LRP1: variants seen among roughly 807,000 people sequenced by gnomAD.
LRP1 encodes the protein prolow-density lipoprotein receptor-related protein 1.
LRP1 carries 51 observed loss-of-function variants against 541.5 expected under a neutral mutation model. The ratio of observed to expected loss-of-function variants is 0.09; its 90% CI spans 0.08 to 0.12. The LOEUF (loss-of-function observed/expected upper bound fraction) is 0.12. LRP1 is among the 10% of genes least tolerant of loss of function. The pLI is 1.00. For synonymous variants in LRP1, 2,219 were observed against 2,470.8 expected (o/e 0.90, Z 3.02); for missense variants, 3,878 against 6,376.2 (o/e 0.61, Z 13.34).
At chr12:57,182,989 C>T (rs2036196210) in intron 34 of LRP1, among the ~76,000 whole-genome samples, 1 of 152,172 alleles carries the variant, frequency 6.6e-6, no homozygotes, top group Non-Finnish European at 1.5e-5. Flanking sequence ...TCAGGCTGAG[C>T]ACCAAACTGG....
chr12:57,202,686 C>A, intron 68 of LRP1, 149 bp downstream of exon 68: 1 of 634,036 alleles, frequency 1.6e-6, no homozygotes, highest in African/African-American at 1.8e-5. Flanking sequence ...CACTCCATGT[C>A]GTGTATTTGA....
chr12:57,156,381 C>A lies in LRP1; in HGVS notation c.1417+98C>A. 2 of 1,258,200 alleles carry A rather than the reference C, an allele frequency of 1.6e-6. No individual in the cohort carries two copies. The highest frequency in any genetic ancestry group is 2.2e-6 in the Non-Finnish European group (2 of 919,602). The allele number at this position is 1,258,200 out of a possible 1,614,324, so 77.9% of individuals were successfully genotyped here. ...CCCTCTCTGGGCCCTCCTGTGGGGA[C>A]CCTGGCTTCTTTCATGTCATGACCG... is the stretch of plus-strand genomic sequence containing the variant. On this transcript the variant is annotated intron_variant, in intron 9 of 88. Transcript: ENST00000243077. The surrounding 1 kb of genome is among the most constrained non-coding windows in gnomAD (Gnocchi z 5.2).
chr12:57,169,264 C>T lies in LRP1; in HGVS notation c.3120C>T (p.Cys1040=), dbSNP rs764155052. ...EHWTCDGDND[C]GDYSDETHAN... is the part of the protein sequence containing the mutation. ...GGACCTGCGATGGGGACAATGACTG[C>T]GGAGACTACAGTGATGAGACACACG... Residue 1040 remains cysteine, a synonymous_variant, in exon 20 of 89, where the codon TGC becomes TGT. Coordinates refer to ENST00000243077, the MANE Select transcript of LRP1 (RefSeq NM_002332.3). The T allele has an allele frequency of 8.0e-5, 129 of 1,613,518 alleles. No individual in the cohort carries two copies. The highest frequency in any genetic ancestry group is 1.2e-4 in the African/African-American group (9 of 74,922).
chr12:57,149,728 A>G (rs777419533), intron 6 of LRP1: 1 of 732,232 alleles, frequency 1.4e-6, no homozygotes, highest in East Asian at 2.5e-5. Context: ...CAACACGGCT[A>G]AGCTCCAGAC....
In LRP1 at chr12:57,206,624, C is replaced by T. The variant is rs368293645; in HGVS notation, c.11742C>T (p.Val3914=). The T allele has an allele frequency of 1.5e-5, 25 of 1,614,048 alleles. No homozygotes were observed. Among genetic ancestry groups the T allele is most frequent in the Non-Finnish European group, 1.9e-5 (23 of 1,180,054 alleles). ...ATGTCCATGTCAAGGCTGGCCGTGT[C>T]TATTGGACCAACTGGCACACGGGCA... ...AMDVHVKAGR[V]YWTNWHTGTI... Residue 3914 remains valine, a synonymous_variant, in exon 76 of 89, where the codon GTC becomes GTT. Transcript: ENST00000243077. This position sits in a 1 kb window ranked among gnomAD's most constrained non-coding sequence, Gnocchi z 4.7.
rs1191532279 is a variant in LRP1 at position 57,206,055 on chromosome 12, C to T, written c.11590+378C>T. On this transcript the variant is annotated intron_variant, in intron 75 of 88. Transcript: ENST00000243077. This position sits in a 1 kb window ranked among gnomAD's most constrained non-coding sequence, Gnocchi z 4.7. ...GCCTGTACACAGACATTCACACACA[C>T]CCCTGGCACACACACCCCCACCATG... is the stretch of plus-strand genomic sequence containing the variant. Among the ~76,000 whole-genome samples, 2 of 152,224 alleles carry T rather than the reference C, an allele frequency of 1.3e-5. No individual in the cohort carries two copies. The highest frequency in any genetic ancestry group is 2.9e-5 in the Non-Finnish European group (2 of 68,030).
chr12:57,144,901 G>A (rs1013167322), intron 4 of LRP1, 71 bp from the exon 5 acceptor site: 16 of 1,446,062 alleles, frequency 1.1e-5, no homozygotes, highest in African/African-American at 1.4e-5. Flanking sequence ...TGTTGATCAT[G>A]TCTGATGATC....
rs34010163 is a variant in LRP1 at position 57,177,947 on chromosome 12, CTTTTTTT to C, written c.4361+369_4361+375del. On this transcript the variant is annotated intron_variant, in intron 26 of 88. Transcript: ENST00000243077. The surrounding 1 kb of genome is among the most constrained non-coding windows in gnomAD (Gnocchi z 6.8). Reference sequence around the variant, plus strand: ...CCCAGGGAGGGTGCCTTTTTCTTTTCTTTTTTTTTTTTTTTTTTTGAGACAGAGTCTC... The same window carrying C: ...CCCAGGGAGGGTGCCTTTTTCTTTTCTTTTTTTTTTTTGAGACAGAGTCTC... Among the ~76,000 whole-genome samples the C allele has an allele frequency of 8.2e-6, 1 of 121,372 alleles. No individual in the cohort carries two copies. Among genetic ancestry groups the C allele is most frequent in the Non-Finnish European group, 1.7e-5 (1 of 59,804 alleles). The allele number at this position is 121,372 out of a possible 152,430, so 79.6% of individuals were successfully genotyped here.
chr12:57,201,556 C>T lies in LRP1; in HGVS notation c.10405C>T (p.Arg3469Trp). ...CTCCATTACCAAACGGTGCATCCCC[C>T]GGGTCTGGGTCTGCGACCGGGACAA... is the stretch of plus-strand genomic sequence containing the variant. ...QCSITKRCIP[R>W]VWVCDRDNDC... is the part of the protein sequence containing the mutation. Residue 3469 changes from arginine (R) to tryptophan (W), a missense_variant, in exon 66 of 89, where the codon CGG (arginine) becomes TGG (tryptophan). Around this residue, in one of 13 missense-constraint regions of LRP1, gnomAD observed 278 missense variants for 536.3 expected, o/e 0.52. Transcript: ENST00000243077. This position sits in a 1 kb window ranked among gnomAD's most constrained non-coding sequence, Gnocchi z 6.4. 2 of 1,614,094 alleles carry T rather than the reference C, an allele frequency of 1.2e-6. No individual in the cohort carries two copies. The highest frequency in any genetic ancestry group is 1.7e-6 in the Non-Finnish European group (2 of 1,180,004).
chr12:57,174,042 C>G, intron 22 of LRP1, 62 bp downstream of exon 22: 1 of 1,535,526 alleles, frequency 6.5e-7, no homozygotes. Flanking sequence ...GGGCCAAGGA[C>G]AGTCTTTGGG....
intron 34 of LRP1, among the ~76,000 whole-genome samples, chr12:57,182,592 G>A (rs1304312446): frequency 1.3e-5 from 2 of 151,726 alleles, no homozygotes; most frequent in East Asian, 1.9e-4. Context: ...TAAAGAGGGC[G>A]GATTACCTTG....
rs773264720 is a variant in LRP1 at position 57,205,163 on chromosome 12, G to A, written c.11249G>A (p.Arg3750Gln). The A allele has an allele frequency of 2.8e-5, 45 of 1,613,830 alleles. No homozygotes were observed. The highest frequency in any genetic ancestry group is 3.5e-5 in the Non-Finnish European group (41 of 1,180,000). ...AAAGACAAGAAGGAGTTTCTGTGCC[G>A]GAACCAGCGCTGCCTCTCCTCCTCC... ...HCKDKKEFLC[R>Q]NQRCLSSSLR... The change falls in exon 73 of 89, where the codon CGG becomes CAG. Residue 3750 changes from arginine to glutamine, a missense_variant. Arg to Gln is a conservative substitution (Grantham distance 43, BLOSUM62 1). Transcript: ENST00000243077. The surrounding 1 kb of genome is among the most constrained non-coding windows in gnomAD (Gnocchi z 4.6).
At position 57,185,709 on chromosome 12, in the gene LRP1, G is replaced by A. The variant is rs779806614; in HGVS notation, c.6642G>A (p.Leu2214=). 61 of 1,614,026 alleles carry A rather than the reference G, an allele frequency of 3.8e-5. No homozygotes were observed. Among genetic ancestry groups the A allele is most frequent in the Non-Finnish European group, 3.2e-5 (38 of 1,180,024 alleles). ...GCACCATTCTCAAGAGTATCCACCT[G>A]TCGGATGAGCGCAACCTCAATGCGC... ...SERTILKSIH[L]SDERNLNAPV... The change falls in exon 41 of 89, where the codon CTG becomes CTA. Residue 2214 remains leucine, a synonymous_variant. Coordinates refer to ENST00000243077, the MANE Select transcript of LRP1 (RefSeq NM_002332.3). The surrounding 1 kb of genome is among the most constrained non-coding windows in gnomAD (Gnocchi z 4.9).
chr12:57,138,377 G>A (rs2035217148), intron 1 of LRP1, 82 bp from the exon 2 acceptor site: 2 of 1,506,026 alleles, frequency 1.3e-6, no homozygotes, highest in Non-Finnish European at 9.1e-7. Context: ...GCTAGGGAAG[G>A]AAGAGCAGTA....
chr12:57,182,774 T>C (rs987560058), intron 34 of LRP1, among the ~76,000 whole-genome samples: 5 of 151,716 alleles, frequency 3.3e-5, no homozygotes, highest in Non-Finnish European at 5.9e-5. Flanking sequence ...CGAGATCGCG[T>C]CATTGTACTG....
At position 57,189,233 on chromosome 12, in the gene LRP1, G is replaced by A. The variant is rs147269528; in HGVS notation, c.7032-1572G>A. ...GTGTCACATGGAGGAGTTTGTTGAC[G>A]CCAGGAGGAAAACCACTTCTCACTG... On this transcript the variant is annotated intron_variant, in intron 42 of 88. Coordinates refer to ENST00000243077, the MANE Select transcript of LRP1 (RefSeq NM_002332.3). This position sits in a 1 kb window ranked among gnomAD's most constrained non-coding sequence, Gnocchi z 4.4. Among the ~76,000 whole-genome samples the A allele has an allele frequency of 2.6e-4, 40 of 152,276 alleles. No homozygotes were observed. The highest frequency in any genetic ancestry group is 9.8e-4 in the Admixed American group (15 of 15,312).
intron 42 of LRP1, among the ~76,000 whole-genome samples, 196 bp downstream of exon 42, chr12:57,187,652 T>C (rs1014258832): frequency 6.6e-6 from 1 of 152,130 alleles, no homozygotes; most frequent in African/African-American, 2.4e-5. Flanking sequence ...ACAAGCTGGC[T>C]AAGATTCCAG....
chr12:57,164,133 T>G (rs1050105449), intron 15 of LRP1, among the ~76,000 whole-genome samples: 4 of 152,236 alleles, frequency 2.6e-5, no homozygotes, highest in African/African-American at 9.7e-5. Flanking sequence ...ATTGTGCCAC[T>G]GCACTCCAGC....
chr12:57,151,773 G>A (rs2035530510), intron 6 of LRP1, among the ~76,000 whole-genome samples: 1 of 152,234 alleles, frequency 6.6e-6, no homozygotes, highest in Admixed American at 6.5e-5. Context: ...ATGTGTGTGT[G>A]TGTGATTGTG....
Sources: gnomAD v4.1 joint callset for allele counts (sites outside exome capture counted in the v4.1 genomes callset) on GRCh38, gnomAD v4.1.1 for gene constraint, gnomAD v4.1.1 regional missense constraint, Gnocchi (gnomAD v3.1) non-coding constraint, MANE v1.5 for transcripts, NCBI Gene and HGNC (gene_info 2026-07-23, HGNC 2026-07-21) for gene names.